The following FGD6 variants were observed in gnomAD, a reference collection of about 807,000 sequenced individuals.
FGD6 encodes FYVE, RhoGEF and PH domain-containing protein 6.
Under a neutral mutation model 149.4 loss-of-function variants are expected in FGD6, and 90 were observed. The observed-to-expected ratio is 0.60, with a 90% CI of 0.51 to 0.72. The LOEUF (loss-of-function observed/expected upper bound fraction) is 0.72, where lower values mean the gene tolerates loss of function less well. FGD6 is among the 30% of genes least tolerant of loss of function. The pLI, the probability that FGD6 is intolerant of heterozygous loss-of-function variation, is 0.00. For synonymous variants in FGD6, 527 were observed against 584.0 expected, an observed-to-expected ratio of 0.90 and a Z score of 1.41; for missense variants, 1,437 against 1,684.8, an observed-to-expected ratio of 0.85 and a Z score of 2.57.
chr12:95,195,870 A>G (rs964435831), intron 2 of FGD6, among the ~76,000 whole-genome samples: 7 of 150,672 alleles, frequency 4.6e-5, no homozygotes, highest in African/African-American at 1.5e-4. Context: ...TAATAAAATT[A>G]TATAGAATTA....
At chr12:95,085,947 G>A (rs764978125) in intron 18 of FGD6, 39 bp from the exon 19 acceptor site, 8 of 1,567,186 alleles carry the variant, frequency 5.1e-6, no homozygotes, top group Non-Finnish European at 6.0e-6. Flanking sequence ...ATGGTTTTCA[G>A]ACAAATTATA....
chr12:95,106,826 G>A (rs1017185991), intron 13 of FGD6, 128 bp downstream of exon 13: 10 of 675,954 alleles, frequency 1.5e-5, no homozygotes, highest in Non-Finnish European at 2.6e-5. Context: ...CCCAGGAGGT[G>A]GAGGTTGCAG....
intron 8 of FGD6, among the ~76,000 whole-genome samples, chr12:95,126,910 A>G (rs2136252222): frequency 6.6e-6 from 1 of 152,178 alleles, no homozygotes; most frequent in East Asian, 1.9e-4. Context: ...CTGGGGTGAC[A>G]GGGTGAGACT....
intron 2 of FGD6, among the ~76,000 whole-genome samples, chr12:95,198,424 T>A (rs913640853): frequency 6.6e-6 from 1 of 152,090 alleles, no homozygotes; most frequent in African/African-American, 2.4e-5. Flanking sequence ...CTTGAGTAAA[T>A]CCAAGCGATT....
At chr12:95,199,778 T>G (rs923940832) in intron 2 of FGD6, among the ~76,000 whole-genome samples, 14 of 152,152 alleles carry the variant, frequency 9.2e-5, no homozygotes, top group African/African-American at 3.4e-4. Context: ...CTAATTTTTG[T>G]ATTTTTAGTA....
intron 2 of FGD6, among the ~76,000 whole-genome samples, chr12:95,178,531 A>C (rs945670326): frequency 1.3e-5 from 2 of 152,236 alleles, no homozygotes; most frequent in Non-Finnish European, 2.9e-5. Flanking sequence ...AATAGCAGAA[A>C]TCCTTCCCCC....
Position 95,111,528 on chromosome 12 carries a change from G to A in FGD6, c.3133+2123C>T, listed in dbSNP as rs148065782. Among the ~76,000 whole-genome samples the A allele has an allele frequency of 6.4e-3, 967 of 152,140 alleles. 10 individuals carry two copies. Among genetic ancestry groups the A allele is most frequent in the African/African-American group, 0.022 (897 of 41,510 alleles). On this transcript the variant is annotated intron_variant, in intron 9 of 20. Coordinates refer to ENST00000343958, the MANE Select transcript of FGD6 (RefSeq NM_018351.4). ...TTCCATGTATAATTTGTATCCTCAC[G>A]AGAGGGGCTGCCGTCGGGAATGCTC... is the stretch of plus-strand genomic sequence containing the variant.
At chr12:95,211,303 A>G in intron 1 of FGD6, 36 bp from the exon 2 acceptor site, 5 of 1,518,522 alleles carry the variant, frequency 3.3e-6, no homozygotes, top group Non-Finnish European at 4.4e-6. Flanking sequence ...ATGTCAAAAC[A>G]ACCAAAGCAC....
At chr12:95,206,081 A>G (rs2056691532) in intron 2 of FGD6, among the ~76,000 whole-genome samples, 2 of 152,126 alleles carry the variant, frequency 1.3e-5, no homozygotes. Flanking sequence ...TAAGCAGCAT[A>G]ACAGATAAAA....
intron 8 of FGD6, 115 bp downstream of exon 8, chr12:95,134,624 C>G (rs1184640958): frequency 1.2e-6 from 1 of 845,710 alleles, no homozygotes; most frequent in Non-Finnish European, 2.0e-6. Flanking sequence ...ACGTATTAGG[C>G]AACGTGGTGA....
At chr12:95,114,047 A>G (rs775885237) in intron 8 of FGD6, among the ~76,000 whole-genome samples, 1 of 152,216 alleles carries the variant, frequency 6.6e-6, no homozygotes, top group Non-Finnish European at 1.5e-5. Flanking sequence ...CCCAACACAT[A>G]GGAAGTACTT....
At position 95,178,329 on chromosome 12, in the gene FGD6, G is replaced by A. The variant is rs563696606; in HGVS notation, c.2442-5585C>T. ...TTATTTTAAGTATGTGCAGAGCCAG[G>A]TGACAGGACTGAACAAATATCAAGT... On this transcript the variant is annotated intron_variant, in intron 2 of 20. Coordinates refer to ENST00000343958, the MANE Select transcript of FGD6 (RefSeq NM_018351.4). Among the ~76,000 whole-genome samples the A allele has an allele frequency of 3.1e-4, 47 of 152,312 alleles. No homozygotes were observed. In the East Asian group the frequency reaches 3.9e-3, roughly 12 times the overall value.
chr12:95,102,464 A>C (rs931998641), intron 14 of FGD6, among the ~76,000 whole-genome samples: 19 of 129,564 alleles, frequency 1.5e-4, no homozygotes, highest in Non-Finnish European at 2.7e-4. Context: ...AAAAAAAAAA[A>C]AAACACAACA....
intron 8 of FGD6, among the ~76,000 whole-genome samples, chr12:95,131,116 T>G (rs1312506300): frequency 6.7e-6 from 1 of 150,338 alleles, no homozygotes; most frequent in African/African-American, 2.4e-5. Flanking sequence ...GAGTTTTTTT[T>G]TTTTTTTTTT....
intron 8 of FGD6, chr12:95,126,424 A>G: frequency 1.7e-6 from 2 of 1,192,086 alleles, no homozygotes; most frequent in African/African-American, 3.3e-5. Context: ...AAGGTTCTTT[A>G]AAAAAAACAA....
At chr12:95,191,164 C>T (rs1400631475) in intron 2 of FGD6, among the ~76,000 whole-genome samples, 1 of 152,154 alleles carries the variant, frequency 6.6e-6, no homozygotes, top group Non-Finnish European at 1.5e-5. Flanking sequence ...GTCAAAACTG[C>T]TTTTGATTGG....
At chr12:95,098,668 T>C (rs1321873477) in intron 14 of FGD6, among the ~76,000 whole-genome samples, 1 of 152,168 alleles carries the variant, frequency 6.6e-6, no homozygotes, top group Non-Finnish European at 1.5e-5. Context: ...CCTAAGTCAA[T>C]ATAAACAGCA....
intron 14 of FGD6, among the ~76,000 whole-genome samples, chr12:95,104,403 A>C (rs974547995): frequency 6.6e-6 from 1 of 152,122 alleles, no homozygotes; most frequent in Non-Finnish European, 1.5e-5. Flanking sequence ...GTTCAAGATC[A>C]GCCTGGGGAA....
intron 3 of FGD6, among the ~76,000 whole-genome samples, chr12:95,160,549 A>T (rs1457569721): frequency 6.6e-6 from 1 of 152,194 alleles, no homozygotes; most frequent in Non-Finnish European, 1.5e-5. Context: ...GACTTCAGTG[A>T]TGGCCCAACC....
Sources: allele counts gnomAD v4.1 joint callset (sites outside exome capture counted in the v4.1 genomes callset), GRCh38; gene constraint gnomAD v4.1.1; transcripts MANE v1.5; gene names NCBI Gene and HGNC (gene_info 2026-07-23, HGNC 2026-07-21).